The following ADGRF3 variants were observed in gnomAD, a reference collection of about 807,000 sequenced individuals.
ADGRF3 encodes G protein-coupled receptor 113.
Under a neutral mutation model 93.2 loss-of-function variants are expected in ADGRF3, and 85 were observed. The observed-to-expected ratio is 0.91, with a 90% CI of 0.77 to 1.09. ADGRF3 has a LOEUF of 1.09. Among genes scored for constraint, ADGRF3 ranks in the 50% least tolerant of loss-of-function variants. The pLI is 0.00. For missense variants in ADGRF3, 1,125 were observed against 1,246.2 expected (o/e 0.90, Z 1.46); for synonymous variants, 534 against 532.5 (o/e 1.00, Z -0.04).
intron 1 of ADGRF3, among the ~76,000 whole-genome samples, chr2:26,331,115 C>T (rs1484571348): frequency 1.5e-3 from 227 of 152,290 alleles, no homozygotes; most frequent in African/African-American, 5.2e-3. Flanking sequence ...AAGAAATTCT[C>T]TGGTTATATT....
At chr2:26,319,225 G>T in intron 1 of ADGRF3, 1 of 599,324 alleles carries the variant, frequency 1.7e-6, no homozygotes, top group Non-Finnish European at 2.8e-6. Context: ...CACTGTGGGG[G>T]CCACCTGGAG....
rs373043841 is a variant in ADGRF3, at chr2:26,346,131, A to C, written c.104T>G (p.Leu35Arg). The change falls in exon 1 of 14, where the codon CTG becomes CGG. Residue 35 changes from leucine (L) to arginine (R), a missense_variant. Transcript: ENST00000651242. Reference protein sequence around the residue: ...TGWARMAKTGLPEKGQSQAGG... With the variant: ...TGWARMAKTGRPEKGQSQAGG... ...GCGCGGCTCTCCTACCTTCTCGGGC[A>C]GCCCAGTCTTTGCCATCCTTGCCCA... The C allele has an allele frequency of 3.4e-5, 54 of 1,594,986 alleles. No individual in the cohort carries two copies. Among genetic ancestry groups the C allele is most frequent in the Non-Finnish European group, 6.0e-6 (7 of 1,172,114 alleles).
intron 1 of ADGRF3, among the ~76,000 whole-genome samples, chr2:26,321,222 C>T (rs952168886): frequency 6.6e-6 from 1 of 152,178 alleles, no homozygotes; most frequent in Admixed American, 6.5e-5. Flanking sequence ...GGCAAATACA[C>T]TCATGGGAGC....
intron 1 of ADGRF3, among the ~76,000 whole-genome samples, chr2:26,331,633 G>C (rs992115674): frequency 6.6e-6 from 1 of 152,210 alleles, no homozygotes; most frequent in Non-Finnish European, 1.5e-5. Context: ...GGGAGGCGGA[G>C]GTGGGAGAGT....
intron 10 of ADGRF3, among the ~76,000 whole-genome samples, 182 bp from the exon 11 acceptor site, chr2:26,310,419 A>T (rs1178149153): frequency 6.6e-6 from 1 of 152,202 alleles, no homozygotes; most frequent in East Asian, 1.9e-4. Context: ...TATAAAAGGG[A>T]TAGCAAAGGA....
At chr2:26,323,212 T>A (rs1357943380) in intron 1 of ADGRF3, among the ~76,000 whole-genome samples, 1 of 152,130 alleles carries the variant, frequency 6.6e-6, no homozygotes, top group African/African-American at 2.4e-5. Flanking sequence ...TCATGGGGTG[T>A]CAGGAAGCAC....
rs1379764721 is a variant in ADGRF3, at chr2:26,311,961, G to T, written c.1563C>A (p.Thr521=). The T allele has an allele frequency of 6.2e-7, 1 of 1,613,328 alleles. No homozygotes were observed. Among genetic ancestry groups the T allele is most frequent in the Non-Finnish European group, 8.5e-7 (1 of 1,179,576 alleles). Residue 521 remains threonine (T), a synonymous_variant, in exon 10 of 14, where the codon ACC becomes ACA. Coordinates refer to ENST00000651242, the MANE Select transcript of ADGRF3 (RefSeq NM_001321971.2). ...AGSTLLLAVE[T]LACSLCPQDH... ...CCTGTGGGCACAGGCTGCATGCCAGGGTCTCCACAGCCAGCAGGAGAGTCG... is the reference window on the plus strand; with the variant it reads ...CCTGTGGGCACAGGCTGCATGCCAGTGTCTCCACAGCCAGCAGGAGAGTCG...
intron 1 of ADGRF3, among the ~76,000 whole-genome samples, chr2:26,326,137 A>G (rs1675423418): frequency 6.6e-6 from 1 of 152,168 alleles, no homozygotes; most frequent in Non-Finnish European, 1.5e-5. Context: ...TGTACTTCCC[A>G]ATACATCCCC....
At chr2:26,310,142 C>G (rs775094982) in intron 11 of ADGRF3, 37 bp from the exon 12 acceptor site, 1 of 1,613,880 alleles carries the variant, frequency 6.2e-7, no homozygotes, top group Admixed American at 1.7e-5. Context: ...ATGCCAGCCA[C>G]GGCCCCGGCC....
intron 1 of ADGRF3, among the ~76,000 whole-genome samples, chr2:26,329,333 A>G (rs1214381823): frequency 2.0e-5 from 3 of 151,850 alleles, no homozygotes; most frequent in Non-Finnish European, 4.4e-5. Flanking sequence ...GGGTCTCACT[A>G]TGTTGCCCAG....
chr2:26,333,781 G>C (rs1156458660), intron 1 of ADGRF3, among the ~76,000 whole-genome samples: 1 of 151,562 alleles, frequency 6.6e-6, no homozygotes, highest in Non-Finnish European at 1.5e-5. Flanking sequence ...AAAATTTAAA[G>C]GGCTGTACCT....
rs752072414 is a variant in ADGRF3 at position 26,310,773 on chromosome 2, G to C, written c.2751C>G (p.Thr917=). ...ACAGAGTGGCCAGGCCCAGCCCCCA[G>C]GTGAGGCCAAAGATGGGTGTAAGAA... ...LLILTPIFGL[T]WGLGLATLLE... is the part of the protein sequence containing the mutation. The change falls in exon 10 of 14, where the codon ACC becomes ACG. Residue 917 remains threonine, a synonymous_variant. Transcript: ENST00000651242. 1.1e-5 allele frequency: 17 copies of C among 1,613,500 alleles called. No individual in the cohort carries two copies. The African/African-American group carries it at 2.3e-4, about 22-fold the overall frequency.
At chr2:26,316,495 C>T (rs2147882455) in intron 3 of ADGRF3, 47 bp from the exon 4 acceptor site, 1 of 1,532,792 alleles carries the variant, frequency 6.5e-7, no homozygotes, top group East Asian at 2.4e-5. Flanking sequence ...TCTGAAGAAG[C>T]TAGGTGGGCA....
rs1674513748 is a variant in ADGRF3 at position 26,314,825 on chromosome 2, C to T, written c.719-202G>A. On this transcript the variant is annotated intron_variant, in intron 5 of 13. Coordinates refer to ENST00000651242, the MANE Select transcript of ADGRF3 (RefSeq NM_001321971.2). ...AGGATTTCTAGGAGGTAGAAGAGAT[C>T]TCTCTTTTATCGGCCCATGCCCGTG... The T allele has an allele frequency of 6.8e-6, 4 of 590,836 alleles. No individual in the cohort carries two copies. In the East Asian group the frequency reaches 1.1e-4, roughly 17 times the overall value. The allele number at this position is 590,836 out of a possible 1,614,324, so 36.6% of individuals were successfully genotyped here. A position where few individuals can be genotyped will look rare whatever the true frequency, so the allele number is the denominator to read the frequency against.
intron 12 of ADGRF3, 60 bp downstream of exon 12, chr2:26,309,983 T>C (rs1057212384): frequency 2.5e-6 from 4 of 1,614,008 alleles, no homozygotes; most frequent in African/African-American, 1.3e-5. Context: ...AGGAGGGCCA[T>C]GGAATGCCTT....
chr2:26,319,546 T>TCTCCCTCCCTCCCTCCCTCCCTCC (rs746092843), intron 1 of ADGRF3, among the ~76,000 whole-genome samples: 2 of 61,616 alleles, frequency 3.2e-5, no homozygotes, highest in Non-Finnish European at 6.8e-5. Flanking sequence ...CCCTTCTTTC[T>TCTCCCTCCCTCCCTCCCTCCCTCC]CTCCCTCCCT....
At chr2:26,331,911 TTGTC>T (rs1181129302) in intron 1 of ADGRF3, among the ~76,000 whole-genome samples, 1 of 152,160 alleles carries the variant, frequency 6.6e-6, no homozygotes, top group Non-Finnish European at 1.5e-5. Flanking sequence ...TTTAAATCTG[TTGTC>T]TATGTGTTTT....
chr2:26,344,657 G>A (rs1676594675), intron 1 of ADGRF3, among the ~76,000 whole-genome samples: 1 of 152,152 alleles, frequency 6.6e-6, no homozygotes, highest in Non-Finnish European at 1.5e-5. Context: ...GTTGGCGGGC[G>A]CCCATTCTTC....
intron 9 of ADGRF3, 136 bp downstream of exon 9, chr2:26,312,807 A>G (rs1436861530): frequency 1.3e-6 from 1 of 746,400 alleles, no homozygotes; most frequent in South Asian, 1.9e-5. Flanking sequence ...ATGGATCAGG[A>G]GCAGGCCCCT....
Sources: gnomAD v4.1 joint callset for allele counts (sites outside exome capture counted in the v4.1 genomes callset) on GRCh38, gnomAD v4.1.1 for gene constraint, MANE v1.5 for transcripts, NCBI Gene and HGNC (gene_info 2026-07-23, HGNC 2026-07-21) for gene names.